Variants in RCOR3 observed in about 807,000 individuals in gnomAD.
RCOR3 encodes REST corepressor 3.
RCOR3 carries 13 observed loss-of-function variants against 64.1 expected under a neutral mutation model. The observed-to-expected ratio is 0.20, with a 90% CI of 0.13 to 0.32. RCOR3 has a LOEUF of 0.32. Among genes scored for constraint, RCOR3 ranks in the 10% least tolerant of loss-of-function variants. RCOR3 has a pLI of 1.00. For synonymous variants in RCOR3, 215 were observed against 239.0 expected, an observed-to-expected ratio of 0.90 and a Z score of 0.93; for missense variants, 489 against 701.2, an observed-to-expected ratio of 0.70 and a Z score of 3.42.
At chr1:211,308,586 T>C (rs1158651772) in intron 10 of RCOR3, among the ~76,000 whole-genome samples, 3 of 151,578 alleles carry the variant, frequency 2.0e-5, no homozygotes, top group East Asian at 3.9e-4. Flanking sequence ...GAAATTTTGC[T>C]GTGAAAGCCA....
In RCOR3 at chr1:211,273,513, G is replaced by A. The variant is rs890074615; in HGVS notation, c.302-697G>A. The stretch of plus-strand genomic sequence containing the variant: ...ATCAAGGCAGAGTGATTGATTATAT[G>A]GAGTTCACATAAAACTGAGTTCTGG... On this transcript the variant is annotated intron_variant, in intron 3 of 11. Coordinates refer to ENST00000419091, the MANE Select transcript of RCOR3 (RefSeq NM_001136223.3). Among the ~76,000 whole-genome samples, 5 of 152,208 alleles carry A rather than the reference G, an allele frequency of 3.3e-5. No individual in the cohort carries two copies. The South Asian group carries it at 1.0e-3, about 32-fold the overall frequency.
intron 2 of RCOR3, among the ~76,000 whole-genome samples, chr1:211,268,388 T>C (rs1473589807): frequency 2.8e-5 from 4 of 141,024 alleles, no homozygotes; most frequent in African/African-American, 7.8e-5. Context: ...TTTTTTTTTT[T>C]TTTTTTTTGA....
At chr1:211,259,862 T>C in intron 1 of RCOR3, 136 bp downstream of exon 1, 1 of 1,044,990 alleles carries the variant, frequency 9.6e-7, no homozygotes, top group Non-Finnish European at 1.3e-6. Flanking sequence ...GAACTCCCGG[T>C]GCAGTGCAGC....
At chr1:211,290,607 G>T (rs1245952139) in intron 8 of RCOR3, among the ~76,000 whole-genome samples, 1 of 151,866 alleles carries the variant, frequency 6.6e-6, no homozygotes, top group East Asian at 1.9e-4. Flanking sequence ...CAAACTCCTG[G>T]GCTCAAGCAA....
At chr1:211,266,912 C>T (rs1033350553) in intron 2 of RCOR3, among the ~76,000 whole-genome samples, 1 of 152,138 alleles carries the variant, frequency 6.6e-6, no homozygotes, top group Non-Finnish European at 1.5e-5. Flanking sequence ...GGGTCATTTA[C>T]AGCTATTCAA....
At chr1:211,276,524 TAAA>T in intron 5 of RCOR3, 106 bp downstream of exon 5, 2 of 1,071,722 alleles carry the variant, frequency 1.9e-6, no homozygotes, top group South Asian at 3.6e-5. Flanking sequence ...AATTTAATTT[TAAA>T]AACTATTTGT....
At chr1:211,265,385 C>T (rs191039449) in intron 2 of RCOR3, among the ~76,000 whole-genome samples, 2 of 152,080 alleles carry the variant, frequency 1.3e-5, no homozygotes, top group African/African-American at 4.8e-5. Flanking sequence ...GCATTTTCTC[C>T]ACAGAATTTT....
intron 7 of RCOR3, among the ~76,000 whole-genome samples, chr1:211,280,012 A>C (rs1697561581): frequency 6.6e-6 from 1 of 152,240 alleles, no homozygotes; most frequent in Non-Finnish European, 1.5e-5. Flanking sequence ...CTCAGTTTTT[A>C]ATCTCTAAGT....
chr1:211,273,026 G>A (rs975953098), intron 3 of RCOR3, among the ~76,000 whole-genome samples: 7 of 152,280 alleles, frequency 4.6e-5, no homozygotes, highest in African/African-American at 1.7e-4. Flanking sequence ...GACCTGTCAT[G>A]TATTTAAGTG....
rs769839705 is a variant in RCOR3 at position 211,279,262 on chromosome 1, T to G, written c.666T>G (p.His222Gln). The change falls in exon 7 of 12, where the codon CAT becomes CAG. Residue 222 changes from histidine (H) to glutamine (Q), a missense_variant. Physicochemically the swap from His to Gln is conservative, Grantham distance 24. Transcript: ENST00000419091. The part of the protein sequence containing the change: ...GDSDDDVEET[H>Q]PMDGNDSDYD... Reference sequence around the variant, plus strand: ...GTGATGATGATGTAGAAGAAACACATCCAATGGATGGGAATGATAGTGATT... The same window carrying G: ...GTGATGATGATGTAGAAGAAACACAGCCAATGGATGGGAATGATAGTGATT... 1 of 1,609,714 alleles carries G rather than the reference T, an allele frequency of 6.2e-7. No individual in the cohort carries two copies. Among genetic ancestry groups the G allele is most frequent in the South Asian group, 1.1e-5 (1 of 90,554 alleles).
At chr1:211,307,226 C>T (rs948075432) in intron 10 of RCOR3, among the ~76,000 whole-genome samples, 2 of 152,072 alleles carry the variant, frequency 1.3e-5, no homozygotes, top group Admixed American at 6.6e-5. Flanking sequence ...TGGTGGCTCA[C>T]GCCTGTAATC....
chr1:211,296,950 CATT>C (rs974943438), intron 9 of RCOR3, among the ~76,000 whole-genome samples: 72 of 152,012 alleles, frequency 4.7e-4, no homozygotes, highest in African/African-American at 1.7e-3. Flanking sequence ...ATATTAAAAA[CATT>C]ATGGGAATAG....
intron 9 of RCOR3, among the ~76,000 whole-genome samples, chr1:211,299,759 T>C (rs969142207): frequency 1.3e-5 from 2 of 152,166 alleles, no homozygotes; most frequent in Admixed American, 6.5e-5. Context: ...TATTATGTTA[T>C]TTTTAAATCA....
In RCOR3 at chr1:211,291,789, C is replaced by T. The variant is rs59427006; in HGVS notation, c.939+2393C>T. 1.2e-3 allele frequency among the ~76,000 whole-genome samples: 184 copies of T among 152,274 alleles called. 3 individuals carry two copies. In the East Asian group the frequency reaches 0.031, roughly 25 times the overall value. ...ACCCTTTCTAATCTAGCTTCTGCCC[C>T]GTATGGTATTCCAGTTCTACTGAAA... On this transcript the variant is annotated intron_variant, in intron 8 of 11. Transcript: ENST00000419091.
At chr1:211,281,370 C>G (rs148747083) in intron 7 of RCOR3, among the ~76,000 whole-genome samples, 73 of 152,258 alleles carry the variant, frequency 4.8e-4, no homozygotes, top group African/African-American at 1.7e-3. Context: ...CTCTGTTCTT[C>G]TCTGTGTGAC....
chr1:211,293,084 C>CT (rs1699430123), intron 8 of RCOR3, among the ~76,000 whole-genome samples: 1 of 31,514 alleles, frequency 3.2e-5, no homozygotes, highest in Non-Finnish European at 5.9e-5. Flanking sequence ...ACTCTGTCTC[C>CT]AAAAATAAAT....
rs535905786 is a variant in RCOR3 at position 211,304,655 on chromosome 1, TA to T, written c.1075+516del. On this transcript the variant is annotated intron_variant, in intron 10 of 11. Coordinates refer to ENST00000419091, the MANE Select transcript of RCOR3 (RefSeq NM_001136223.3). ...TTAGAAACCTGATTTTAAATAGGTA[TA>T]TTTTTTAAAGGAGACTTAAGAGCGA... Among the ~76,000 whole-genome samples, 52 of 152,374 alleles carry T rather than the reference TA, an allele frequency of 3.4e-4. No individual in the cohort carries two copies. In the East Asian group the frequency reaches 9.6e-3, roughly 28 times the overall value.
intron 7 of RCOR3, among the ~76,000 whole-genome samples, chr1:211,288,360 A>G (rs1698808297): frequency 6.7e-6 from 1 of 149,972 alleles, no homozygotes; most frequent in Non-Finnish European, 1.5e-5. Flanking sequence ...AAAACTTCAC[A>G]GTCATCATTG....
chr1:211,290,645 G>A (rs1408347047), intron 8 of RCOR3, among the ~76,000 whole-genome samples: 1 of 152,006 alleles, frequency 6.6e-6, no homozygotes, highest in Non-Finnish European at 1.5e-5. Context: ...CAAAGTGCTG[G>A]GATTATAGGC....
Sources: gnomAD v4.1 joint callset for allele counts (sites outside exome capture counted in the v4.1 genomes callset) on GRCh38, gnomAD v4.1.1 for gene constraint, MANE v1.5 for transcripts, NCBI Gene and HGNC (gene_info 2026-07-23, HGNC 2026-07-21) for gene names.